DTNB: variants seen among roughly 807,000 people sequenced by gnomAD.
DTNB encodes the protein dystrobrevin beta, also known as DTN-B.
Under a neutral mutation model 90.7 loss-of-function variants are expected in DTNB, and 63 were observed. That is an observed-to-expected ratio of 0.69 (90% CI 0.57 to 0.86). The LOEUF (loss-of-function observed/expected upper bound fraction) is 0.86, where lower values mean the gene tolerates loss of function less well. Among genes scored for constraint, DTNB ranks in the 40% least tolerant of loss-of-function variants. The pLI is 0.00. For synonymous variants in DTNB, 277 were observed against 286.7 expected, an observed-to-expected ratio of 0.97 and a Z score of 0.34; for missense variants, 744 against 807.1, an observed-to-expected ratio of 0.92 and a Z score of 0.95.
chr2:25,581,808 G>A (rs1425118978), intron 6 of DTNB, among the ~76,000 whole-genome samples: 2 of 152,224 alleles, frequency 1.3e-5, no homozygotes, highest in Non-Finnish European at 2.9e-5. Context: ...AGATAGTTCC[G>A]TGATTGTAAC....
At chr2:25,630,679 T>TA (rs2075474569) in intron 3 of DTNB, among the ~76,000 whole-genome samples, 2 of 151,820 alleles carry the variant, frequency 1.3e-5, no homozygotes, top group Admixed American at 1.3e-4. Context: ...ACCCCATCTC[T>TA]ACTAAAAATA....
intron 3 of DTNB, among the ~76,000 whole-genome samples, chr2:25,634,071 T>TG (rs1247947349): frequency 1.9e-3 from 278 of 148,838 alleles, no homozygotes; most frequent in African/African-American, 5.3e-3. Context: ...AGGAGGGAGG[T>TG]GGGGGGGTCA....
intron 16 of DTNB, among the ~76,000 whole-genome samples, chr2:25,396,405 G>C (rs752004961): frequency 6.6e-6 from 1 of 152,060 alleles, no homozygotes; most frequent in African/African-American, 2.4e-5. Context: ...CAGCTACTTG[G>C]GAGGCTGAGG....
At chr2:25,509,789 G>A (rs1267330462) in intron 9 of DTNB, among the ~76,000 whole-genome samples, 4 of 124,536 alleles carry the variant, frequency 3.2e-5, no homozygotes, top group East Asian at 2.4e-4. Context: ...TTGCTCTGTC[G>A]CCTAGGCTGG....
At chr2:25,619,600 G>C (rs74927240) in intron 4 of DTNB, among the ~76,000 whole-genome samples, 14 of 152,062 alleles carry the variant, frequency 9.2e-5, no homozygotes, top group African/African-American at 3.4e-4. Flanking sequence ...CTGCTCTCAC[G>C]GACATCCATT....
At chr2:25,386,238 G>C (rs2039437526) in intron 18 of DTNB, 1 of 406,612 alleles carries the variant, frequency 2.5e-6, no homozygotes, top group East Asian at 1.6e-4. Flanking sequence ...TGAGAGCAGA[G>C]CTGGGGGCTC....
intron 19 of DTNB, among the ~76,000 whole-genome samples, chr2:25,380,166 T>C (rs2037204140): frequency 6.6e-6 from 1 of 152,212 alleles, no homozygotes; most frequent in African/African-American, 2.4e-5. Context: ...TCGAGCAGAC[T>C]ATGTTTGCCT....
intron 9 of DTNB, among the ~76,000 whole-genome samples, chr2:25,491,423 G>A (rs1418812974): frequency 6.6e-6 from 1 of 152,160 alleles, no homozygotes; most frequent in Non-Finnish European, 1.5e-5. Context: ...TATTTCAAGT[G>A]TCTGGCATAG....
intron 12 of DTNB, 54 bp downstream of exon 12, chr2:25,451,494 A>G (rs1253971651): frequency 6.5e-7 from 1 of 1,535,992 alleles, no homozygotes; most frequent in Non-Finnish European, 8.8e-7. Flanking sequence ...TTCCATTTGC[A>G]TATTAAAGTA....
chr2:25,619,038 A>G (rs1005073978), intron 4 of DTNB, among the ~76,000 whole-genome samples: 1 of 152,112 alleles, frequency 6.6e-6, no homozygotes, highest in Non-Finnish European at 1.5e-5. Context: ...CATTCGTTTC[A>G]GTTCAATAAG....
At chr2:25,442,585 C>T (rs895979103) in intron 12 of DTNB, among the ~76,000 whole-genome samples, 6 of 152,200 alleles carry the variant, frequency 3.9e-5, no homozygotes, top group Non-Finnish European at 7.3e-5. Context: ...AGAACAACTC[C>T]TGCACATTTT....
At chr2:25,650,114 T>C in intron 2 of DTNB, 1 of 985,466 alleles carries the variant, frequency 1.0e-6, no homozygotes, top group Non-Finnish European at 1.2e-6. Context: ...CACAAAGAAG[T>C]AAACCCAGTT....
chr2:25,453,232 A>G (rs1337304355), intron 11 of DTNB, among the ~76,000 whole-genome samples: 1 of 152,122 alleles, frequency 6.6e-6, no homozygotes, highest in Non-Finnish European at 1.5e-5. Context: ...GGTTGATCCT[A>G]TTTGTCATTT....
At chr2:25,403,930 C>A (rs2044383312) in intron 16 of DTNB, among the ~76,000 whole-genome samples, 1 of 152,186 alleles carries the variant, frequency 6.6e-6, no homozygotes, top group African/African-American at 2.4e-5. Context: ...CTGTGCCCAG[C>A]CTAGAGGAAC....
At chr2:25,381,687 T>C (rs2037817304) in intron 19 of DTNB, among the ~76,000 whole-genome samples, 1 of 152,236 alleles carries the variant, frequency 6.6e-6, no homozygotes, top group Non-Finnish European at 1.5e-5. Context: ...AGTCTGACCT[T>C]TTGGTGTCCG....
intron 1 of DTNB, among the ~76,000 whole-genome samples, chr2:25,671,671 T>C (rs899742263): frequency 1.3e-5 from 2 of 152,232 alleles, no homozygotes; most frequent in Admixed American, 6.5e-5. Context: ...CTCTCGGGCA[T>C]AGTGGACATC....
chr2:25,562,932 G>C (rs143193060), intron 8 of DTNB, among the ~76,000 whole-genome samples: 1,751 of 152,108 alleles, frequency 0.012, 38 homozygotes, highest in African/African-American at 0.039. Context: ...ACCACACCTG[G>C]CTAATTTTTG....
chr2:25,504,586 GAA>G (rs1489533840), intron 9 of DTNB, among the ~76,000 whole-genome samples: 1 of 139,042 alleles, frequency 7.2e-6, no homozygotes, highest in Non-Finnish European at 1.6e-5. Context: ...GAAAAGAAAA[GAA>G]AGAGAAAGAA....
chr2:25,492,121 T>C (rs2067658698), intron 9 of DTNB, among the ~76,000 whole-genome samples: 1 of 152,194 alleles, frequency 6.6e-6, no homozygotes, highest in Non-Finnish European at 1.5e-5. Flanking sequence ...CGTTAGATCA[T>C]AGTTCCTGTT....
Sources: gnomAD v4.1 joint callset for allele counts (sites outside exome capture counted in the v4.1 genomes callset) on GRCh38, gnomAD v4.1.1 for gene constraint, MANE v1.5 for transcripts, NCBI Gene and HGNC (gene_info 2026-07-23, HGNC 2026-07-21) for gene names.